SLC35F5: variants seen among roughly 807,000 people sequenced by gnomAD.
The protein encoded by SLC35F5 is HCV NS5A-transactivated protein 3.
Under a neutral mutation model 68.6 loss-of-function variants are expected in SLC35F5, and 54 were observed. The ratio of observed to expected loss-of-function variants is 0.79; its 90% CI spans 0.63 to 0.99. SLC35F5 has a LOEUF of 0.99. Ranked by LOEUF, SLC35F5 falls within the 50% of genes least tolerant of loss-of-function variation. The probability of loss-of-function intolerance (pLI) is 0.00; values close to 1 mark genes in which losing one functional copy is unlikely to be tolerated. For missense variants in SLC35F5, 567 were observed against 626.9 expected (o/e 0.90, Z 1.02); for synonymous variants, 211 against 205.2 (o/e 1.03, Z -0.24).
At position 113,709,445 on chromosome 2, in the gene SLC35F5, G is replaced by T. The variant is rs996418639; in HGVS notation, c.*5773C>A. 4.6e-5 allele frequency among the ~76,000 whole-genome samples: 7 copies of T among 152,228 alleles called. No homozygotes were observed. Among genetic ancestry groups the T allele is most frequent in the Non-Finnish European group, 1.0e-4 (7 of 68,042 alleles). On this transcript the variant is annotated 3_prime_UTR_variant, in exon 16 of 16. Transcript: ENST00000245680. ...CACTTTATAGCTGAGAAGAGTGAGGGAAGGACGGACCATGGGAGTCAGCAT... is the reference window on the plus strand; with the variant it reads ...CACTTTATAGCTGAGAAGAGTGAGGTAAGGACGGACCATGGGAGTCAGCAT...
chr2:113,724,906 A>G (rs1032641081), intron 12 of SLC35F5, among the ~76,000 whole-genome samples: 4 of 152,158 alleles, frequency 2.6e-5, no homozygotes, highest in African/African-American at 9.6e-5. Context: ...TATCTGGCTC[A>G]CCCATATGAA....
At position 113,712,221 on chromosome 2, in the gene SLC35F5, T is replaced by C. The variant is rs181517345; in HGVS notation, c.*2997A>G. 3.9e-4 allele frequency among the ~76,000 whole-genome samples: 60 copies of C among 152,374 alleles called. No individual in the cohort carries two copies. Among genetic ancestry groups the C allele is most frequent in the African/African-American group, 1.4e-3 (59 of 41,594 alleles). On this transcript the variant is annotated 3_prime_UTR_variant, in exon 16 of 16. Coordinates refer to ENST00000245680, the MANE Select transcript of SLC35F5 (RefSeq NM_025181.5). ...AGGTTGACAGAAGCCAATATCTCAA[T>C]GTTTTTAAATTAAAATTTATTTAAA...
downstream of SLC35F5, chr2:113,704,165 G>A (rs35192494): frequency 1.3e-5 from 2 of 152,370 alleles, no homozygotes; most frequent in African/African-American, 2.4e-5. Flanking sequence ...GGGAACCCCA[G>A]CGAGTCGCCA....
intron 15 of SLC35F5, among the ~76,000 whole-genome samples, chr2:113,717,112 G>T (rs376248389): frequency 6.6e-6 from 1 of 152,074 alleles, no homozygotes; most frequent in Non-Finnish European, 1.5e-5. Flanking sequence ...AAATCTGTAC[G>T]TTACATTTAA....
chr2:113,704,715 G>A (rs918298715), downstream of SLC35F5, among the ~76,000 whole-genome samples: 1 of 151,832 alleles, frequency 6.6e-6, no homozygotes, highest in Admixed American at 6.6e-5. Flanking sequence ...GGCCCGCCGA[G>A]CCCACACCCA....
chr2:113,724,139 A>G (rs1288348519), intron 12 of SLC35F5, among the ~76,000 whole-genome samples: 1 of 152,222 alleles, frequency 6.6e-6, no homozygotes, highest in African/African-American at 2.4e-5. Flanking sequence ...GAGGTAAAGG[A>G]AACAAGTACT....
intron 7 of SLC35F5, among the ~76,000 whole-genome samples, chr2:113,737,742 C>A (rs1229808568): frequency 6.6e-6 from 1 of 152,098 alleles, no homozygotes; most frequent in Non-Finnish European, 1.5e-5. Flanking sequence ...TCCAGAATAA[C>A]CTTCCCATTC....
Position 113,742,690 on chromosome 2 carries a change from A to G in SLC35F5, c.750+2T>C. On this transcript the variant is annotated splice_donor_variant, in intron 7 of 15. Transcript: ENST00000245680. LOFTEE classifies it high-confidence loss of function. ...TATGCAAACATATCATAAAAGACCT[A>G]CCACAAAGCAAAAAAAAAAGCTAAT... The G allele has an allele frequency of 6.2e-7, 1 of 1,613,656 alleles. No individual in the cohort carries two copies. Among genetic ancestry groups the G allele is most frequent in the Non-Finnish European group, 8.5e-7 (1 of 1,179,868 alleles).
intron 11 of SLC35F5, among the ~76,000 whole-genome samples, chr2:113,727,512 C>T (rs1217224406): frequency 6.6e-6 from 1 of 152,178 alleles, no homozygotes; most frequent in South Asian, 2.1e-4. Context: ...TGAAATCCCA[C>T]GTAAATTAAC....
At chr2:113,731,468 C>A (rs562742162) in intron 10 of SLC35F5, 116 bp downstream of exon 10, 22 of 649,522 alleles carry the variant, frequency 3.4e-5, no homozygotes, top group Middle Eastern at 2.6e-4. Flanking sequence ...AGGAAAAGTT[C>A]AAAAAAAACC....
At chr2:113,731,535 T>A in intron 10 of SLC35F5, 49 bp downstream of exon 10, 4 of 1,474,454 alleles carry the variant, frequency 2.7e-6, no homozygotes, top group Non-Finnish European at 3.8e-6. Flanking sequence ...CACGCACATG[T>A]AACTTTCTTA....
At chr2:113,746,389 G>A (rs1329715949) in intron 4 of SLC35F5, 50 bp from the exon 5 acceptor site, 1 of 1,435,862 alleles carries the variant, frequency 7.0e-7, no homozygotes, top group African/African-American at 1.4e-5. Context: ...ACATTATACT[G>A]TAGGACTAGT....
intron 4 of SLC35F5, among the ~76,000 whole-genome samples, chr2:113,749,179 C>T (rs1676638065): frequency 6.6e-6 from 1 of 152,208 alleles, no homozygotes; most frequent in African/African-American, 2.4e-5. Flanking sequence ...GCATGAGCCA[C>T]CAAGCCCAGC....
chr2:113,747,740 A>G (rs1273680146), intron 4 of SLC35F5, among the ~76,000 whole-genome samples: 1 of 152,264 alleles, frequency 6.6e-6, no homozygotes, highest in East Asian at 1.9e-4. Context: ...AACAGAGATA[A>G]GAATTAATGC....
chr2:113,741,931 AT>A (rs1676292586), intron 7 of SLC35F5: 1 of 152,298 alleles, frequency 6.6e-6, no homozygotes, highest in African/African-American at 2.4e-5. Context: ...TGACATTAGC[AT>A]TTCATTGTTT....
intron 13 of SLC35F5, 149 bp from the exon 14 acceptor site, chr2:113,719,457 TA>T (rs1687338347): frequency 1.7e-6 from 1 of 574,316 alleles, no homozygotes; most frequent in Non-Finnish European, 2.8e-6. Flanking sequence ...TTAAGTGTAT[TA>T]TTATTAAATA....
chr2:113,738,013 G>A (rs2104452322), intron 7 of SLC35F5, among the ~76,000 whole-genome samples: 1 of 152,184 alleles, frequency 6.6e-6, no homozygotes, highest in Non-Finnish European at 1.5e-5. Context: ...TATATAACAT[G>A]ATTTAATATA....
chr2:113,703,229 T>C (rs1343978598), downstream of SLC35F5, among the ~76,000 whole-genome samples: 1 of 152,144 alleles, frequency 6.6e-6, no homozygotes, highest in African/African-American at 2.4e-5. Context: ...TCCCTGGATA[T>C]ACTCAACAGA....
chr2:113,717,737 C>T lies in SLC35F5; in HGVS notation c.*22+16G>A. ...TAAGAACCTTATTCAATACTAAACC[C>T]AGCTCACATACAAACCTGGGCTACA... On this transcript the variant is annotated intron_variant, in intron 15 of 15. Coordinates refer to ENST00000245680, the MANE Select transcript of SLC35F5 (RefSeq NM_025181.5). 6.6e-7 allele frequency: 1 copy of T among 1,524,928 alleles called. No individual in the cohort carries two copies. Among genetic ancestry groups the T allele is most frequent in the African/African-American group, 1.4e-5 (1 of 71,820 alleles). The allele number at this position is 1,524,928 out of a possible 1,614,324, so 94.5% of individuals were successfully genotyped here.
Sources: gnomAD v4.1 joint callset for allele counts (sites outside exome capture counted in the v4.1 genomes callset) on GRCh38, gnomAD v4.1.1 for gene constraint, MANE v1.5 for transcripts, NCBI Gene and HGNC (gene_info 2026-07-23, HGNC 2026-07-21) for gene names.